SLC3A1: variants seen among roughly 807,000 people sequenced by gnomAD.
The protein encoded by SLC3A1 is amino acid transporter heavy chain SLC3A1.
A neutral mutation model predicts 60.3 loss-of-function variants in SLC3A1; 78 were observed. That is an observed-to-expected ratio of 1.29 (90% CI 1.08 to 1.56). SLC3A1 has a LOEUF of 1.56. SLC3A1 is among the 40% of genes most tolerant of loss of function. The pLI is 0.00. For missense variants in SLC3A1, 1,172 were observed against 858.9 expected, an observed-to-expected ratio of 1.36 and a Z score of -4.56; for synonymous variants, 392 against 307.9, an observed-to-expected ratio of 1.27 and a Z score of -2.86.
intron 9 of SLC3A1, chr2:44,314,167 T>C: frequency 8.5e-7 from 1 of 1,173,788 alleles, no homozygotes; most frequent in Admixed American, 2.4e-5. Flanking sequence ...TGAAGTATCA[T>C]ATAGAATATA....
chr2:44,307,309 A>G (rs962301150), intron 7 of SLC3A1, among the ~76,000 whole-genome samples: 5 of 152,196 alleles, frequency 3.3e-5, no homozygotes, highest in South Asian at 2.1e-4. Flanking sequence ...TTTGTGTACA[A>G]GTTTTTATAA....
At position 44,275,704 on chromosome 2, in the gene SLC3A1, C is replaced by T. The variant is rs553114730; in HGVS notation, c.169C>T (p.Pro57Ser). The change falls in exon 1 of 10, where the codon CCC (proline) becomes TCC (serine). Residue 57 changes from proline (P) to serine (S), a missense_variant. Pro to Ser is a moderately conservative substitution (Grantham distance 74). Coordinates refer to ENST00000260649, the MANE Select transcript of SLC3A1 (RefSeq NM_000341.4). ...CAGGGGCATCCTTGGCTCCCAGGAG[C>T]CCGACTTCAAGGGCGTCCAGCCCTA... Reference protein sequence around the residue: ...STRGILGSQEPDFKGVQPYAG... With the variant: ...STRGILGSQESDFKGVQPYAG... The T allele has an allele frequency of 1.2e-6, 2 of 1,614,170 alleles. No individual in the cohort carries two copies. Among genetic ancestry groups the T allele is most frequent in the Non-Finnish European group, 1.7e-6 (2 of 1,180,004 alleles).
chr2:44,312,846 T>C (rs1439272113), intron 8 of SLC3A1, 93 bp downstream of exon 8: 2 of 973,614 alleles, frequency 2.1e-6, no homozygotes, highest in African/African-American at 1.6e-5. Flanking sequence ...ACTATCTCTC[T>C]ATTGCATTGC....
chr2:44,299,204 A>G (rs1175752946), intron 4 of SLC3A1, among the ~76,000 whole-genome samples: 1 of 151,250 alleles, frequency 6.6e-6, no homozygotes, highest in African/African-American at 2.4e-5. Context: ...ATGCCTGGCT[A>G]CTTTTTGTAT....
chr2:44,277,538 C>T (rs1289616847), intron 1 of SLC3A1, among the ~76,000 whole-genome samples: 2 of 152,268 alleles, frequency 1.3e-5, no homozygotes, highest in East Asian at 3.9e-4. Flanking sequence ...AGACCATGGG[C>T]TCCCCACCCC....
chr2:44,289,605 C>A (rs1017298282), intron 4 of SLC3A1, among the ~76,000 whole-genome samples: 1 of 151,634 alleles, frequency 6.6e-6, no homozygotes, highest in Admixed American at 6.6e-5. Context: ...GAAGCACAAG[C>A]GTTTTTAATT....
In SLC3A1 at chr2:44,286,497, ACGGTGCCTGTGACGGTGAGCTGTG is replaced by A. The variant is rs767281628; in HGVS notation, c.891+418_891+441del. On this transcript the variant is annotated intron_variant, in intron 4 of 9. Transcript: ENST00000260649. ...CCCGCCACCTGTGACAGTGAGCTGT[ACGGTGCCTGTGACGGTGAGCTGTG>A]CGGTGCCTGTGACGGTGAGCTGTGC... Among the ~76,000 whole-genome samples, 487 of 140,734 alleles carry A rather than the reference ACGGTGCCTGTGACGGTGAGCTGTG, an allele frequency of 3.5e-3. 7 individuals carry two copies. Among genetic ancestry groups the A allele is most frequent in the African/African-American group, 0.011 (429 of 37,552 alleles). 92.3% of individuals were successfully genotyped at this position (140,734 alleles called of 152,430 possible). A position where few individuals can be genotyped will look rare whatever the true frequency, so the allele number is the denominator to read the frequency against.
intron 1 of SLC3A1, 97 bp from the exon 2 acceptor site, chr2:44,280,619 C>T: frequency 3.5e-6 from 3 of 850,340 alleles, no homozygotes; most frequent in African/African-American, 1.7e-5. Context: ...TTTTTGCCTT[C>T]ATGTAAATAT....
intron 7 of SLC3A1, 141 bp from the exon 8 acceptor site, chr2:44,312,445 C>A: frequency 1.2e-6 from 1 of 816,788 alleles, no homozygotes; most frequent in South Asian, 1.4e-5. Context: ...AATAGCAGGC[C>A]TAGGACTCAA....
chr2:44,320,798 G>A lies in SLC3A1; in HGVS notation c.*159G>A. 1.5e-6 allele frequency: 1 copy of A among 672,946 alleles called. No individual in the cohort carries two copies. The highest frequency in any genetic ancestry group is 2.7e-5 in the Admixed American group (1 of 37,588). The allele number at this position is 672,946 out of a possible 1,614,324, so 41.7% of individuals were successfully genotyped here. A position where few individuals can be genotyped will look rare whatever the true frequency, so the allele number is the denominator to read the frequency against. On this transcript the variant is annotated 3_prime_UTR_variant, in exon 10 of 10. Coordinates refer to ENST00000260649, the MANE Select transcript of SLC3A1 (RefSeq NM_000341.4). ...TTTAAGAAAGGTTCTCAAATGTTTT[G>A]AAAAAAATAAAATGTTTAAAAGTAA...
chr2:44,310,102 C>T (rs912709664), intron 7 of SLC3A1, among the ~76,000 whole-genome samples: 1 of 152,072 alleles, frequency 6.6e-6, no homozygotes, highest in Non-Finnish European at 1.5e-5. Flanking sequence ...CCATGTTGTC[C>T]AAGCTGGTCT....
chr2:44,313,869 A>C lies in SLC3A1; in HGVS notation c.1535A>C (p.Asp512Ala). 1 of 1,614,090 alleles carries C rather than the reference A, an allele frequency of 6.2e-7. No individual in the cohort carries two copies. The change falls in exon 9 of 10, where the codon GAC becomes GCC. Residue 512 changes from aspartate (D) to alanine (A), a missense_variant. Coordinates refer to ENST00000260649, the MANE Select transcript of SLC3A1 (RefSeq NM_000341.4). ...TLRSKSPMQW[D>A]NSSNAGFSEA... ...CGCTCAAAGTCACCAATGCAGTGGG[A>C]CAATAGTTCAAATGCTGGTTTTTCT...
intron 9 of SLC3A1, chr2:44,314,289 G>A (rs1220401604): frequency 3.7e-6 from 2 of 547,810 alleles, no homozygotes; most frequent in Admixed American, 6.4e-5. Context: ...TCAAAAGGCA[G>A]GGAGAGAGGC....
chr2:44,303,053 T>A (rs1672056259), intron 6 of SLC3A1, among the ~76,000 whole-genome samples: 1 of 151,312 alleles, frequency 6.6e-6, no homozygotes, highest in East Asian at 2.0e-4. Context: ...ACAAAAAAAT[T>A]AGCTGGGCGT....
intron 4 of SLC3A1, among the ~76,000 whole-genome samples, chr2:44,297,223 A>G (rs1044006469): frequency 2.0e-5 from 3 of 152,218 alleles, no homozygotes; most frequent in Non-Finnish European, 2.9e-5. Flanking sequence ...AGGGATGAGA[A>G]AAGTAGGGAG....
At chr2:44,303,977 A>C in intron 6 of SLC3A1, 166 bp from the exon 7 acceptor site, 1 of 698,104 alleles carries the variant, frequency 1.4e-6, no homozygotes, top group South Asian at 1.5e-5. Context: ...ATCCAGTCTA[A>C]CATTTGGTGA....
intron 3 of SLC3A1, chr2:44,285,823 TAAAA>T: frequency 2.9e-6 from 2 of 694,472 alleles, no homozygotes; most frequent in South Asian, 1.5e-5. Flanking sequence ...GCATCTACTG[TAAAA>T]ATACGTTGCA....
chr2:44,304,428 A>G, intron 7 of SLC3A1, 90 bp downstream of exon 7: 1 of 975,692 alleles, frequency 1.0e-6, no homozygotes, highest in South Asian at 1.4e-5. Flanking sequence ...TTTGTCTCTA[A>G]GTGACCATCA....
chr2:44,286,560 G>A (rs1671618005), intron 4 of SLC3A1, among the ~76,000 whole-genome samples: 1 of 139,876 alleles, frequency 7.1e-6, no homozygotes, highest in South Asian at 2.5e-4. Flanking sequence ...GCCTGTGACG[G>A]TGAGCTGTGC....
Sources: allele counts gnomAD v4.1 joint callset (sites outside exome capture counted in the v4.1 genomes callset), GRCh38; gene constraint gnomAD v4.1.1; transcripts MANE v1.5; gene names NCBI Gene and HGNC (gene_info 2026-07-23, HGNC 2026-07-21).